Variants in CC2D2A observed in about 807,000 individuals in gnomAD.
The protein encoded by CC2D2A is coiled-coil and C2 domain containing 2A.
CC2D2A carries 155 observed loss-of-function variants against 212.9 expected under a neutral mutation model. The ratio of observed to expected loss-of-function variants is 0.73; its 90% CI spans 0.64 to 0.83. The LOEUF is 0.83. Among genes scored for constraint, CC2D2A ranks in the 40% least tolerant of loss-of-function variants. The pLI, the probability that CC2D2A is intolerant of heterozygous loss-of-function variation, is 0.00. For missense variants in CC2D2A, 1,856 were observed against 1,956.2 expected, an observed-to-expected ratio of 0.95 and a Z score of 0.97; for synonymous variants, 667 against 686.5, an observed-to-expected ratio of 0.97 and a Z score of 0.44.
chr4:15,552,479 A>C (rs1719053906), intron 18 of CC2D2A, among the ~76,000 whole-genome samples: 1 of 152,140 alleles, frequency 6.6e-6, no homozygotes. Flanking sequence ...CACTCTCCAA[A>C]GCACAAATTT....
intron 17 of CC2D2A, among the ~76,000 whole-genome samples, chr4:15,546,072 T>G (rs1164279446): frequency 6.6e-6 from 1 of 151,800 alleles, no homozygotes; most frequent in East Asian, 1.9e-4. Flanking sequence ...ATCACGCCAC[T>G]GCACTCCAGC....
chr4:15,523,180 G>GTCCTTCCT (rs144700300), intron 11 of CC2D2A, among the ~76,000 whole-genome samples: 15 of 149,292 alleles, frequency 1.0e-4, no homozygotes, highest in East Asian at 5.9e-4. Flanking sequence ...TCTTTCCTTT[G>GTCCTTCCT]TCCTTCCTTC....
At chr4:15,540,558 T>C (rs530937653) in intron 16 of CC2D2A, among the ~76,000 whole-genome samples, 1 of 152,288 alleles carries the variant, frequency 6.6e-6, no homozygotes, top group East Asian at 1.9e-4. Context: ...GGGACACAAA[T>C]GTAAAGCTTG....
intron 6 of CC2D2A, among the ~76,000 whole-genome samples, chr4:15,503,270 T>C (rs928927164): frequency 6.6e-5 from 10 of 152,252 alleles, no homozygotes; most frequent in African/African-American, 2.2e-4. Flanking sequence ...GCCACTGCAG[T>C]CCTGCCTGGG....
At chr4:15,573,426 G>A (rs915454463) in intron 28 of CC2D2A, among the ~76,000 whole-genome samples, 2 of 152,166 alleles carry the variant, frequency 1.3e-5, no homozygotes, top group Non-Finnish European at 2.9e-5. Flanking sequence ...AAGTAGCTGG[G>A]ACCACAGGCG....
At position 15,550,809 on chromosome 4, in the gene CC2D2A, T is replaced by G; in HGVS notation, c.2182-15T>G. 1.3e-6 allele frequency: 2 copies of G among 1,544,582 alleles called. No individual in the cohort carries two copies. The highest frequency in any genetic ancestry group is 4.6e-5 in the East Asian group (2 of 43,738). Reference sequence around the variant, plus strand: ...CTGCTGTTTTTATTGGCTATTTCTCTTCTCTGGTTTTCAGGTCTATGAAAC... The same window carrying G: ...CTGCTGTTTTTATTGGCTATTTCTCGTCTCTGGTTTTCAGGTCTATGAAAC... On this transcript the variant is annotated splice_polypyrimidine_tract_variant and intron_variant, in intron 17 of 36. Coordinates refer to ENST00000424120, the MANE Select transcript of CC2D2A (RefSeq NM_001378615.1).
Position 15,595,095 on chromosome 4 carries a change from G to C in CC2D2A, c.4315-990G>C, listed in dbSNP as rs1307261609. Among the ~76,000 whole-genome samples the C allele has an allele frequency of 2.0e-5, 3 of 152,142 alleles. No individual in the cohort carries two copies. The East Asian group carries it at 5.8e-4, about 29-fold the overall frequency. ...CTCCCAAACTGCTGGGATTATGAGT[G>C]TGAGCCTGCCTGTTTACTTATTTGT... On this transcript the variant is annotated intron_variant, in intron 33 of 36. Coordinates refer to ENST00000424120, the MANE Select transcript of CC2D2A (RefSeq NM_001378615.1).
At chr4:15,481,387 T>C (rs1714648343) in intron 4 of CC2D2A, 2 of 349,974 alleles carry the variant, frequency 5.7e-6, no homozygotes, top group Admixed American at 3.7e-5. Flanking sequence ...GGCGCATGCC[T>C]GTAATCCCAG....
rs1577336727 is a variant in CC2D2A, at chr4:15,511,341, C to T, written c.635C>T (p.Ala212Val). Reference protein sequence around the residue: ...EPEGSEEKPKARHRAGTNQEE... With the variant: ...EPEGSEEKPKVRHRAGTNQEE... ...GAAGGATCAGAGGAAAAACCAAAAG[C>T]AAGACATAGAGCGGGAACTAATCAA... Residue 212 changes from alanine to valine, a missense_variant, in exon 8 of 37, where the codon GCA becomes GTA. By Grantham distance (64) the Ala-to-Val change is moderately conservative. This residue lies in a region of CC2D2A where 1,512 missense variants were observed against 1,579.3 expected (regional missense o/e 0.96). Coordinates refer to ENST00000424120, the MANE Select transcript of CC2D2A (RefSeq NM_001378615.1). The T allele has an allele frequency of 1.3e-6, 2 of 1,594,062 alleles. No individual in the cohort carries two copies. Among genetic ancestry groups the T allele is most frequent in the Non-Finnish European group, 1.7e-6 (2 of 1,172,412 alleles).
chr4:15,593,557 C>G (rs796627447), intron 33 of CC2D2A, among the ~76,000 whole-genome samples: 1 of 152,324 alleles, frequency 6.6e-6, no homozygotes, highest in South Asian at 2.1e-4. Context: ...TCAACATCCT[C>G]ATTTGGATGT....
chr4:15,475,341 C>T (rs768287775), intron 1 of CC2D2A, among the ~76,000 whole-genome samples: 1 of 151,920 alleles, frequency 6.6e-6, no homozygotes, highest in Non-Finnish European at 1.5e-5. Context: ...ATTTTTTCCA[C>T]TGGTAGGAAT....
chr4:15,595,946 A>G (rs1476214467), intron 33 of CC2D2A, 139 bp from the exon 34 acceptor site: 1 of 516,454 alleles, frequency 1.9e-6, no homozygotes, highest in Non-Finnish European at 3.1e-6. Context: ...TTTATAATCA[A>G]AAAATGACAA....
At position 15,599,704 on chromosome 4, in the gene CC2D2A, A is replaced by G. The variant is rs1721493978; in HGVS notation, c.4672A>G (p.Arg1558Gly). The G allele has an allele frequency of 6.2e-7, 1 of 1,601,190 alleles. No homozygotes were observed. The highest frequency in any genetic ancestry group is 1.1e-5 in the South Asian group (1 of 90,038). The change falls in exon 36 of 37, where the codon AGG (arginine) becomes GGG (glycine). Residue 1558 changes from arginine to glycine, a missense_variant and splice_region_variant. Arg to Gly is a moderately radical substitution (Grantham distance 125, BLOSUM62 -2). Transcript: ENST00000424120. ...AELLKQLGDY[R>G]FSGFPLHMPY... ...ACTGCTAAAACAGCTGGGAGACTAC[A>G]GGGTAAGTTACAAATGGATCCTAAA...
chr4:15,601,469 G>C lies in CC2D2A; in HGVS notation c.*44G>C, dbSNP rs1478404453. On this transcript the variant is annotated 3_prime_UTR_variant, in exon 37 of 37. Transcript: ENST00000424120. ...CTGTATCATGTAAAAACTACACTTA[G>C]GATATGAGAAAATTTTAAATTATAT... is the stretch of plus-strand genomic sequence containing the variant. The C allele has an allele frequency of 2.4e-6, 3 of 1,248,922 alleles. 1 individual carries two copies. Among genetic ancestry groups the C allele is most frequent in the South Asian group, 4.2e-5 (2 of 47,888 alleles). The allele number at this position is 1,248,922 out of a possible 1,614,324, so 77.4% of individuals were successfully genotyped here.
chr4:15,537,849 A>G (rs960288524), intron 15 of CC2D2A, 50 bp from the exon 16 acceptor site: 8 of 1,543,646 alleles, frequency 5.2e-6, no homozygotes, highest in Non-Finnish European at 6.1e-6. Context: ...GTGCTCTTAA[A>G]TGAAATTCCA....
At chr4:15,516,121 A>G in intron 10 of CC2D2A, 117 bp downstream of exon 10, 1 of 1,089,616 alleles carries the variant, frequency 9.2e-7, no homozygotes, top group Non-Finnish European at 1.2e-6. Context: ...GGTTATCCAC[A>G]GAAAGTGGTT....
At chr4:15,590,382 G>A (rs1025887157) in intron 33 of CC2D2A, among the ~76,000 whole-genome samples, 2 of 152,158 alleles carry the variant, frequency 1.3e-5, no homozygotes, top group African/African-American at 4.8e-5. Flanking sequence ...GGGCATGATG[G>A]TGTGACTCTG....
chr4:15,537,005 GA>G lies in CC2D2A; in HGVS notation c.1694del (p.Glu565GlyfsTer53), dbSNP rs1218356545. ...EISELLEEHT[E>X]EYAQKMEEYR... ...AAGTGAACTGTTAGAAGAGCACACGGAGGAGTACGCACAGAAGATGGAAGAA... is the reference window on the plus strand; with the variant it reads ...AAGTGAACTGTTAGAAGAGCACACGGGGAGTACGCACAGAAGATGGAAGAA... On this transcript the variant is annotated frameshift_variant, in exon 15 of 37. Transcript: ENST00000424120. LOFTEE classifies it high-confidence loss of function. The G allele has an allele frequency of 6.2e-7, 1 of 1,613,698 alleles. No homozygotes were observed. Among genetic ancestry groups the G allele is most frequent in the Non-Finnish European group, 8.5e-7 (1 of 1,179,720 alleles).
intron 35 of CC2D2A, among the ~76,000 whole-genome samples, chr4:15,598,932 G>A (rs1721448821): frequency 6.6e-6 from 1 of 152,138 alleles, no homozygotes; most frequent in Non-Finnish European, 1.5e-5. Flanking sequence ...GGCCAAGGCA[G>A]GCGGATCACT....
Sources: allele counts gnomAD v4.1 joint callset (sites outside exome capture counted in the v4.1 genomes callset), GRCh38; gene constraint gnomAD v4.1.1; regional missense constraint gnomAD v4.1.1; transcripts MANE v1.5; gene names NCBI Gene and HGNC (gene_info 2026-07-23, HGNC 2026-07-21).